CGAS: variants seen among roughly 807,000 people sequenced by gnomAD.
The protein encoded by CGAS is cyclic GMP-AMP synthase, also known as 2'3'-cGAMP synthase.
CGAS carries 31 observed loss-of-function variants against 34.0 expected under a neutral mutation model. The observed-to-expected ratio is 0.91, with a 90% CI of 0.69 to 1.23. CGAS has a LOEUF of 1.23. Ranked by LOEUF, CGAS falls within the 50% of genes most tolerant of loss-of-function variation. The pLI is 0.00. For synonymous variants in CGAS, 266 were observed against 260.0 expected (o/e 1.02, Z -0.22); for missense variants, 597 against 657.6 (o/e 0.91, Z 1.01).
At chr6:73,428,655 A>G (rs1412214935) in intron 4 of CGAS, 54 bp downstream of exon 4, 2 of 1,542,048 alleles carry the variant, frequency 1.3e-6, no homozygotes, top group Non-Finnish European at 1.8e-6. Flanking sequence ...TGGAGTCAAC[A>G]AATAATTAAG....
At position 73,424,373 on chromosome 6, in the gene CGAS, G is replaced by C. The variant is rs1770049354; in HGVS notation, c.*854C>G. 6.6e-6 allele frequency: 1 copy of C among 151,576 alleles called. No individual in the cohort carries two copies. The highest frequency in any genetic ancestry group is 6.6e-5 in the Admixed American group (1 of 15,170). The allele number at this position is 151,576 out of a possible 1,614,324, so 9.4% of individuals were successfully genotyped here. A position where few individuals can be genotyped will look rare whatever the true frequency, so the allele number is the denominator to read the frequency against. On this transcript the variant is annotated 3_prime_UTR_variant, in exon 5 of 5. Coordinates refer to ENST00000370315, the MANE Select transcript of CGAS (RefSeq NM_138441.3). ...GGCATGAACCCAGGAAGCAGAGCTT[G>C]CAGTGAGCCAAGATCATGCCACTGG...
intron 2 of CGAS, among the ~76,000 whole-genome samples, chr6:73,441,212 C>G (rs959481818): frequency 6.6e-6 from 1 of 151,750 alleles, no homozygotes; most frequent in African/African-American, 2.4e-5. Flanking sequence ...CCTCAGCTTC[C>G]TGAGTAGCTG....
At chr6:73,429,495 A>G (rs1582649581) in intron 3 of CGAS, among the ~76,000 whole-genome samples, 1 of 152,200 alleles carries the variant, frequency 6.6e-6, no homozygotes, top group East Asian at 1.9e-4. Flanking sequence ...ATTGGGGACC[A>G]TTTCCTTTAT....
rs757263892 is a variant in CGAS at position 73,445,682 on chromosome 6, T to G, written c.723A>C (p.Glu241Asp). The change falls in exon 2 of 5, where the codon GAA becomes GAC. Residue 241 changes from glutamate (E) to aspartate (D), a missense_variant. Around this residue, in one of 3 missense-constraint regions of CGAS, gnomAD observed 271 missense variants for 324.1 expected, o/e 0.84. Coordinates refer to ENST00000370315, the MANE Select transcript of CGAS (RefSeq NM_138441.3). ...KLEVPRIQLE[E>D]YSNTRAYYFV... ...AGTAATATGCACGAGTGTTGGAATA[T>G]TCTTCTAGTTGAATTCTGGGGACTT... 1.2e-6 allele frequency: 2 copies of G among 1,612,780 alleles called. No homozygotes were observed. Among genetic ancestry groups the G allele is most frequent in the South Asian group, 1.1e-5 (1 of 90,620 alleles).
At chr6:73,447,327 A>C (rs1204407014) in intron 1 of CGAS, among the ~76,000 whole-genome samples, 1 of 151,942 alleles carries the variant, frequency 6.6e-6, no homozygotes, top group Non-Finnish European at 1.5e-5. Flanking sequence ...CTTGTCACTG[A>C]GGCTGGAGTG....
chr6:73,430,359 G>A (rs1770174114), intron 3 of CGAS, among the ~76,000 whole-genome samples: 2 of 152,152 alleles, frequency 1.3e-5, no homozygotes, highest in Admixed American at 1.3e-4. Context: ...TGCTGGGCAT[G>A]GTGGTTCACG....
chr6:73,429,152 T>C (rs1258432032), intron 3 of CGAS, among the ~76,000 whole-genome samples: 2 of 147,858 alleles, frequency 1.4e-5, no homozygotes, highest in African/African-American at 5.0e-5. Context: ...ATTGCACCAT[T>C]GCACTCCAGC....
intron 3 of CGAS, among the ~76,000 whole-genome samples, chr6:73,431,523 C>T (rs1295545798): frequency 2.0e-5 from 3 of 151,968 alleles, no homozygotes; most frequent in Non-Finnish European, 4.4e-5. Flanking sequence ...GAAAGCAGAA[C>T]ATGCTAAACG....
At chr6:73,449,347 C>T (rs1021447215) in intron 1 of CGAS, among the ~76,000 whole-genome samples, 5 of 151,720 alleles carry the variant, frequency 3.3e-5, no homozygotes, top group African/African-American at 9.7e-5. Context: ...TGGTGGCGGG[C>T]GCCTGTAGTC....
At chr6:73,428,477 G>T (rs1770127928) in intron 4 of CGAS, among the ~76,000 whole-genome samples, 1 of 151,998 alleles carries the variant, frequency 6.6e-6, no homozygotes, top group Non-Finnish European at 1.5e-5. Flanking sequence ...ACATTCATCT[G>T]ATCCAGGGTT....
At chr6:73,434,623 A>G (rs534311475) in intron 3 of CGAS, among the ~76,000 whole-genome samples, 4 of 152,232 alleles carry the variant, frequency 2.6e-5, no homozygotes, top group East Asian at 1.9e-4. Flanking sequence ...AAGGACATTA[A>G]GAAAAACTAA....
Position 73,423,900 on chromosome 6 carries a change from A to T in CGAS, c.*1327T>A, listed in dbSNP as rs1202175018. On this transcript the variant is annotated 3_prime_UTR_variant, in exon 5 of 5. Transcript: ENST00000370315. Reference sequence around the variant, plus strand: ...TTGTTACACAGACAACGAATGAAAGATAAATACCCCAAATATATTAAGAAC... The same window carrying T: ...TTGTTACACAGACAACGAATGAAAGTTAAATACCCCAAATATATTAAGAAC... 1 of 152,212 alleles carries T rather than the reference A, an allele frequency of 6.6e-6. No individual in the cohort carries two copies. The highest frequency in any genetic ancestry group is 1.5e-5 in the Non-Finnish European group (1 of 68,032). The allele number at this position is 152,212 out of a possible 1,614,324, so 9.4% of individuals were successfully genotyped here. A position where few individuals can be genotyped will look rare whatever the true frequency, so the allele number is the denominator to read the frequency against.
chr6:73,426,550 ACT>A (rs1239740966), intron 4 of CGAS, among the ~76,000 whole-genome samples: 2 of 149,224 alleles, frequency 1.3e-5, no homozygotes, highest in East Asian at 3.9e-4. Context: ...ACAGGGTCTC[ACT>A]CTGTCACCCA....
chr6:73,432,381 G>A (rs1356556292), intron 3 of CGAS, among the ~76,000 whole-genome samples: 3 of 151,874 alleles, frequency 2.0e-5, no homozygotes, highest in Non-Finnish European at 4.4e-5. Context: ...GGCTGGTCTC[G>A]CACTCCTGAC....
In CGAS at chr6:73,440,371, C is replaced by T. The variant is rs1465882305; in HGVS notation, c.952G>A (p.Val318Met). The change falls in exon 3 of 5, where the codon GTG (valine) becomes ATG (methionine). Residue 318 changes from valine to methionine, a missense_variant. Physicochemically the swap from Val to Met is conservative, Grantham distance 21. Coordinates refer to ENST00000370315, the MANE Select transcript of CGAS (RefSeq NM_138441.3). ...VTLLISEKISVDITLALESKS... is the reference protein window; with the variant it reads ...VTLLISEKISMDITLALESKS... The stretch of plus-strand genomic sequence containing the variant: ...GATTCCAAAGCCAGGGTTATATCCA[C>T]AGATATTTTTTCACTAATAAGAAGT... 6.2e-7 allele frequency: 1 copy of T among 1,614,152 alleles called. No individual in the cohort carries two copies.
At chr6:73,433,636 G>T (rs933585345) in intron 3 of CGAS, among the ~76,000 whole-genome samples, 9 of 151,848 alleles carry the variant, frequency 5.9e-5, no homozygotes, top group Non-Finnish European at 1.0e-4. Context: ...CTACAGGCAC[G>T]TGCCACCATG....
Position 73,440,389 on chromosome 6 carries a change from T to C in CGAS, c.934A>G (p.Ile312Val). The change falls in exon 3 of 5, where the codon ATT (isoleucine) becomes GTT (valine). Residue 312 changes from isoleucine to valine, a missense_variant. This residue lies in a region of CGAS where 271 missense variants were observed against 324.1 expected (regional missense o/e 0.84). Transcript: ENST00000370315. Reference protein sequence around the residue: ...RGGSPAVTLLISEKISVDITL... With the variant: ...RGGSPAVTLLVSEKISVDITL... ...ATATCCACAGATATTTTTTCACTAA[T>C]AAGAAGTGTTACAGCAGGGCTCCCT... 1 of 1,614,184 alleles carries C rather than the reference T, an allele frequency of 6.2e-7. No homozygotes were observed.
rs56769862 is a variant in CGAS, at chr6:73,429,631, C to T, written c.1115-820G>A. Among the ~76,000 whole-genome samples the T allele has an allele frequency of 2.6e-3, 389 of 151,572 alleles. 2 individuals carry two copies. The highest frequency in any genetic ancestry group is 8.6e-3 in the African/African-American group (357 of 41,406). ...CACAAGGTCGGGAGATCAAGACCAT[C>T]CTGGCTAACACAGTGAAACCCTGCC... On this transcript the variant is annotated intron_variant, in intron 3 of 4. Transcript: ENST00000370315.
chr6:73,426,393 A>C lies in CGAS; in HGVS notation c.1218-815T>G, dbSNP rs994877107. On this transcript the variant is annotated intron_variant, in intron 4 of 4. Coordinates refer to ENST00000370315, the MANE Select transcript of CGAS (RefSeq NM_138441.3). ...AAATAAATACAACAGTCACACTAAA[A>C]TCTGATTATGTTTTCAAATATATGG... Among the ~76,000 whole-genome samples, 6 of 151,780 alleles carry C rather than the reference A, an allele frequency of 4.0e-5. No homozygotes were observed. The South Asian group carries it at 1.2e-3, about 31-fold the overall frequency.
Sources: allele counts gnomAD v4.1 joint callset (sites outside exome capture counted in the v4.1 genomes callset), GRCh38; gene constraint gnomAD v4.1.1; regional missense constraint gnomAD v4.1.1; transcripts MANE v1.5; gene names NCBI Gene and HGNC (gene_info 2026-07-23, HGNC 2026-07-21).